The following AHCYL2 variants were observed in gnomAD, a reference collection of about 807,000 sequenced individuals.
AHCYL2 encodes the protein S-adenosylhomocysteine hydrolase-like protein 2.
A neutral mutation model predicts 81.4 loss-of-function variants in AHCYL2; 28 were observed. That is an observed-to-expected ratio of 0.34 (90% confidence interval 0.25 to 0.47). The LOEUF (loss-of-function observed/expected upper bound fraction) is 0.47. Among genes scored for constraint, AHCYL2 ranks in the 20% least tolerant of loss-of-function variants. The pLI, the probability that AHCYL2 is intolerant of heterozygous loss-of-function variation, is 1.00. For missense variants in AHCYL2, 551 were observed against 785.1 expected (o/e 0.70, Z 3.56); for synonymous variants, 272 against 290.2 (o/e 0.94, Z 0.64).
At chr7:129,319,088 A>G (rs530237438) in intron 1 of AHCYL2, among the ~76,000 whole-genome samples, 1 of 152,296 alleles carries the variant, frequency 6.6e-6, no homozygotes, top group Non-Finnish European at 1.5e-5. Context: ...AGAATAATCC[A>G]GTAGAAATAA....
intron 1 of AHCYL2, among the ~76,000 whole-genome samples, chr7:129,335,769 G>A (rs1584795721): frequency 1.3e-5 from 2 of 152,270 alleles, no homozygotes; most frequent in East Asian, 1.9e-4. Context: ...TTCTACCAGC[G>A]TGTCCCAAAG....
chr7:129,348,004 A>C (rs932425023), intron 1 of AHCYL2, among the ~76,000 whole-genome samples: 2 of 152,200 alleles, frequency 1.3e-5, no homozygotes, highest in Non-Finnish European at 2.9e-5. Flanking sequence ...AGTTATACCC[A>C]CGTATACAAA....
intron 1 of AHCYL2, among the ~76,000 whole-genome samples, chr7:129,372,745 G>T (rs1340573074): frequency 2.6e-5 from 4 of 152,114 alleles, no homozygotes; most frequent in Non-Finnish European, 5.9e-5. Context: ...ACTCTGAGAG[G>T]TGGAGGTTGC....
chr7:129,242,053 ATTGT>A (rs1794878259), intron 1 of AHCYL2, among the ~76,000 whole-genome samples: 1 of 152,076 alleles, frequency 6.6e-6, no homozygotes, highest in African/African-American at 2.4e-5. Context: ...AATATATAGC[ATTGT>A]TTTGTTTATA....
At chr7:129,290,903 C>G (rs1169578521) in intron 1 of AHCYL2, among the ~76,000 whole-genome samples, 1 of 151,110 alleles carries the variant, frequency 6.6e-6, no homozygotes, top group Non-Finnish European at 1.5e-5. Context: ...GCACTCTAGC[C>G]TGGGCGACAG....
At chr7:129,420,148 C>G (rs886226020) in intron 12 of AHCYL2, among the ~76,000 whole-genome samples, 1 of 152,212 alleles carries the variant, frequency 6.6e-6, no homozygotes, top group Non-Finnish European at 1.5e-5. Context: ...ACTGCCTCTA[C>G]TAAGCACTGG....
chr7:129,311,372 G>GGTGATCGTACCTATTCCTGT (rs1797651838), intron 1 of AHCYL2, among the ~76,000 whole-genome samples: 1 of 152,150 alleles, frequency 6.6e-6, no homozygotes, highest in East Asian at 1.9e-4. Context: ...TTTCTGTCAT[G>GGTGATCGTACCTATTCCTGT]GTGATCGTAC....
chr7:129,275,177 G>A (rs1796158310), intron 1 of AHCYL2, among the ~76,000 whole-genome samples: 1 of 152,188 alleles, frequency 6.6e-6, no homozygotes, highest in African/African-American at 2.4e-5. Flanking sequence ...GAGGTCAGGA[G>A]TTTGAGACCA....
chr7:129,409,984 T>C lies in AHCYL2; in HGVS notation c.1366+438T>C, dbSNP rs560749963. 6 of 624,136 alleles carry C rather than the reference T, an allele frequency of 9.6e-6. No individual in the cohort carries two copies. The South Asian group carries it at 1.3e-4, about 13-fold the overall frequency. The allele number at this position is 624,136 out of a possible 1,614,324, so 38.7% of individuals were successfully genotyped here. A position where few individuals can be genotyped will look rare whatever the true frequency, so the allele number is the denominator to read the frequency against. On this transcript the variant is annotated intron_variant, in intron 11 of 16. Transcript: ENST00000325006. ...TGCAAGTGAAGCATCAGTAATCTCA[T>C]GCAGAAGATTTGTCTCTGCAGGAGG...
At chr7:129,317,338 C>T (rs971428374) in intron 1 of AHCYL2, among the ~76,000 whole-genome samples, 2 of 152,180 alleles carry the variant, frequency 1.3e-5, no homozygotes, top group African/African-American at 4.8e-5. Context: ...CTTATGCTCC[C>T]TGTGTCAGTG....
intron 1 of AHCYL2, among the ~76,000 whole-genome samples, chr7:129,262,776 G>A (rs567680664): frequency 6.6e-6 from 1 of 152,220 alleles, no homozygotes; most frequent in Admixed American, 6.5e-5. Context: ...TTGGCCAAGA[G>A]ATGGTCACTT....
intron 1 of AHCYL2, among the ~76,000 whole-genome samples, chr7:129,320,736 C>A (rs1303365008): frequency 6.6e-6 from 1 of 152,198 alleles, no homozygotes; most frequent in African/African-American, 2.4e-5. Context: ...GATTCCAGAA[C>A]ATTTTTGCCA....
chr7:129,420,379 C>T (rs1797056343), intron 12 of AHCYL2, among the ~76,000 whole-genome samples: 1 of 151,840 alleles, frequency 6.6e-6, no homozygotes, highest in African/African-American at 2.4e-5. Flanking sequence ...TCTCTTGACT[C>T]TTTGTGGTTA....
At chr7:129,305,437 G>T (rs1797405283) in intron 1 of AHCYL2, among the ~76,000 whole-genome samples, 1 of 152,072 alleles carries the variant, frequency 6.6e-6, no homozygotes, top group African/African-American at 2.4e-5. Flanking sequence ...TCCAGTCTGG[G>T]TGACAGAGCA....
intron 1 of AHCYL2, among the ~76,000 whole-genome samples, chr7:129,348,407 C>G (rs1477682103): frequency 6.7e-6 from 1 of 148,400 alleles, no homozygotes; most frequent in Non-Finnish European, 1.5e-5. Context: ...CCCCCCCACA[C>G]ACACACATAC....
At chr7:129,249,656 A>C (rs1012123689) in intron 1 of AHCYL2, among the ~76,000 whole-genome samples, 1 of 150,752 alleles carries the variant, frequency 6.6e-6, no homozygotes, top group African/African-American at 2.4e-5. Context: ...CGATCTCCTG[A>C]CCTCATGATC....
Position 129,370,491 on chromosome 7 carries a change from G to C in AHCYL2, c.364-9147G>C, listed in dbSNP as rs756105684. Reference sequence around the variant, plus strand: ...GGGCGGGCAGATCACGAGGTCAGGAGATCAAGATCATCCTGGCTAACACAG... The same window carrying C: ...GGGCGGGCAGATCACGAGGTCAGGACATCAAGATCATCCTGGCTAACACAG... On this transcript the variant is annotated intron_variant, in intron 1 of 16. Coordinates refer to ENST00000325006, the MANE Select transcript of AHCYL2 (RefSeq NM_015328.4). Among the ~76,000 whole-genome samples, 6 of 152,204 alleles carry C rather than the reference G, an allele frequency of 3.9e-5. No homozygotes were observed. The East Asian group carries it at 5.8e-4, about 15-fold the overall frequency.
intron 1 of AHCYL2, among the ~76,000 whole-genome samples, chr7:129,362,597 G>GTTTTTTTTTTTTTTTTTTTTTTTTTTTT (rs769346623): frequency 1.6e-5 from 1 of 63,630 alleles, no homozygotes. Context: ...TGGTTTTCTT[G>GTTTTTTTTTTTTTTTTTTTTTTTTTTTT]TTTTTTTTTT....
rs754288760 is a variant in AHCYL2 at position 129,389,206 on chromosome 7, A to G, written c.619+7A>G. 1.7e-5 allele frequency: 28 copies of G among 1,613,776 alleles called. No individual in the cohort carries two copies. In the South Asian group the frequency reaches 3.1e-4, roughly 18 times the overall value. On this transcript the variant is annotated splice_region_variant and intron_variant, in intron 3 of 16. Coordinates refer to ENST00000325006, the MANE Select transcript of AHCYL2 (RefSeq NM_015328.4). ...ATTGAAATTGCTGAACAAGGTAAAG[A>G]AAACAAGCACCTTTTCCTTCTTAAC...
Sources: gnomAD v4.1 joint callset for allele counts (sites outside exome capture counted in the v4.1 genomes callset) on GRCh38, gnomAD v4.1.1 for gene constraint, MANE v1.5 for transcripts, NCBI Gene and HGNC (gene_info 2026-07-23, HGNC 2026-07-21) for gene names.